KLF12: variants seen among roughly 807,000 people sequenced by gnomAD.
KLF12 encodes KLF transcription factor 12.
KLF12 carries 9 observed loss-of-function variants against 37.8 expected under a neutral mutation model. That is an observed-to-expected ratio of 0.24 (90% CI 0.14 to 0.42). The LOEUF (loss-of-function observed/expected upper bound fraction) is 0.42, where lower values mean the gene tolerates loss of function less well. Ranked by LOEUF, KLF12 falls within the 10% of genes least tolerant of loss-of-function variation. The pLI is 1.00. For missense variants in KLF12, 411 were observed against 516.0 expected (o/e 0.80, Z 1.97); for synonymous variants, 208 against 202.1 (o/e 1.03, Z -0.25).
the KLF12 span, among the ~76,000 whole-genome samples, chr13:74,270,817 G>A: frequency 3.3e-5 from 5 of 152,258 alleles, no homozygotes; most frequent in East Asian, 9.6e-4. Context: ...CTTAATCTGT[G>A]AGATTTGACC....
At chr13:73,911,503 A>G (rs929158203) in intron 3 of KLF12, among the ~76,000 whole-genome samples, 1 of 152,252 alleles carries the variant, frequency 6.6e-6, no homozygotes, top group Non-Finnish European at 1.5e-5. Context: ...AGTACTGCCC[A>G]TGTACTCTGT....
At chr13:73,715,341 C>T (rs374744423) in intron 7 of KLF12, 27 bp downstream of exon 7, 56 of 1,600,210 alleles carry the variant, frequency 3.5e-5, no homozygotes, top group Non-Finnish European at 4.4e-5. Context: ...CACTGGCTCA[C>T]AGGTGAGAAG....
chr13:74,238,820 T>C, the KLF12 span, among the ~76,000 whole-genome samples: 9 of 152,160 alleles, frequency 5.9e-5, no homozygotes, highest in Admixed American at 1.3e-4. Flanking sequence ...GTCTACTTGA[T>C]TCTTCTCTCT....
rs1031095105 is a variant in KLF12, at chr13:73,823,815, A to G, written c.671-10528T>C. On this transcript the variant is annotated intron_variant, in intron 4 of 7. Transcript: ENST00000377669. ...AACCTCTGCCTCCTGGGTTCAAGCTATTCTCCTGTCTCAGCCTCCCGAGTA... is the reference window on the plus strand; with the variant it reads ...AACCTCTGCCTCCTGGGTTCAAGCTGTTCTCCTGTCTCAGCCTCCCGAGTA... Among the ~76,000 whole-genome samples, 3 of 152,114 alleles carry G rather than the reference A, an allele frequency of 2.0e-5. No homozygotes were observed. In the South Asian group the frequency reaches 6.2e-4, roughly 32 times the overall value.
At chr13:74,119,826 A>G (rs1426704234) in intron 1 of KLF12, among the ~76,000 whole-genome samples, 1 of 152,156 alleles carries the variant, frequency 6.6e-6, no homozygotes, top group Non-Finnish European at 1.5e-5. Flanking sequence ...TGAAAAACTA[A>G]GAAAAACAAT....
the KLF12 span, among the ~76,000 whole-genome samples, chr13:74,272,450 T>G: frequency 6.6e-6 from 1 of 152,196 alleles, no homozygotes; most frequent in African/African-American, 2.4e-5. Context: ...TGAGTCAAAC[T>G]TAAATGTTAC....
chr13:74,173,096 T>C, the KLF12 span, among the ~76,000 whole-genome samples: 3 of 152,124 alleles, frequency 2.0e-5, no homozygotes, highest in Non-Finnish European at 4.4e-5. Flanking sequence ...GCATATCCAA[T>C]AAAAATAGAA....
intron 1 of KLF12, among the ~76,000 whole-genome samples, chr13:74,045,330 T>A (rs1225664706): frequency 6.6e-6 from 1 of 152,118 alleles, no homozygotes; most frequent in Non-Finnish European, 1.5e-5. Flanking sequence ...CCAAAACTCA[T>A]CACCCTAGAC....
At chr13:73,735,201 G>A (rs1877365463) in intron 6 of KLF12, among the ~76,000 whole-genome samples, 1 of 151,038 alleles carries the variant, frequency 6.6e-6, no homozygotes, top group Non-Finnish European at 1.5e-5. Context: ...GGAGGCTGAA[G>A]CAGGAAGGTC....
intron 4 of KLF12, among the ~76,000 whole-genome samples, chr13:73,835,066 C>CTTTT (rs57370625): frequency 7.0e-6 from 1 of 142,842 alleles, no homozygotes. Flanking sequence ...GAAGTTAAAC[C>CTTTT]TTTTTTTTTT....
At position 73,810,982 on chromosome 13, in the gene KLF12, CTTTTTTTTTTTT is replaced by C. The variant is rs376490803; in HGVS notation, c.806+2158_806+2169del. On this transcript the variant is annotated intron_variant, in intron 5 of 7. Coordinates refer to ENST00000377669, the MANE Select transcript of KLF12 (RefSeq NM_007249.5). The stretch of plus-strand genomic sequence containing the variant: ...ATGTTTATTTTTTTAATTTTTCTTT[CTTTTTTTTTTTT>C]TTTTTTTTTTTTTAGGAGTCTCACT... 8.9e-5 allele frequency among the ~76,000 whole-genome samples: 4 copies of C among 44,808 alleles called. No individual in the cohort carries two copies. In the South Asian group the frequency reaches 5.4e-3, roughly 61 times the overall value. 29.4% of individuals were successfully genotyped at this position (44,808 alleles called of 152,430 possible).
chr13:73,836,349 A>G (rs972038468), intron 4 of KLF12, among the ~76,000 whole-genome samples: 6 of 152,188 alleles, frequency 3.9e-5, no homozygotes, highest in Non-Finnish European at 7.4e-5. Flanking sequence ...TTAAGGGAGT[A>G]AGAAAAAAAC....
the KLF12 span, among the ~76,000 whole-genome samples, chr13:74,266,056 G>C: frequency 6.6e-6 from 1 of 152,178 alleles, no homozygotes; most frequent in Admixed American, 6.5e-5. Context: ...TGCAGCTGCT[G>C]TTCCAGATGT....
chr13:74,155,284 CTG>C, the KLF12 span, among the ~76,000 whole-genome samples: 5 of 152,146 alleles, frequency 3.3e-5, no homozygotes, highest in African/African-American at 9.7e-5. Flanking sequence ...AATTTTAACA[CTG>C]TTTATTTCTC....
At chr13:73,860,765 AAAACTT>A (rs1217866869) in intron 3 of KLF12, among the ~76,000 whole-genome samples, 2 of 152,158 alleles carry the variant, frequency 1.3e-5, no homozygotes, top group African/African-American at 4.8e-5. Context: ...CCCCGTGACT[AAAACTT>A]AAACGGTAAA....
chr13:74,143,473 A>G, the KLF12 span, among the ~76,000 whole-genome samples: 2 of 149,566 alleles, frequency 1.3e-5, no homozygotes, highest in African/African-American at 4.9e-5. Context: ...GCTATTAAGC[A>G]TTTACTATGT....
chr13:74,061,674 G>A (rs560278925), intron 1 of KLF12, among the ~76,000 whole-genome samples: 30 of 152,272 alleles, frequency 2.0e-4, no homozygotes, highest in Middle Eastern at 3.4e-3. Context: ...CAAGTATCCC[G>A]AGGCTAATCT....
chr13:74,174,371 T>C, the KLF12 span, among the ~76,000 whole-genome samples: 9 of 150,324 alleles, frequency 6.0e-5, no homozygotes, highest in Non-Finnish European at 1.0e-4. Flanking sequence ...CTCGCTCTGT[T>C]GCCCAGGCTG....
chr13:73,769,487 C>T (rs1880136561), intron 5 of KLF12, among the ~76,000 whole-genome samples: 1 of 152,132 alleles, frequency 6.6e-6, no homozygotes, highest in Non-Finnish European at 1.5e-5. Flanking sequence ...TTCTTTCAAA[C>T]TCTAAATGTT....
Sources: allele counts gnomAD v4.1 joint callset (sites outside exome capture counted in the v4.1 genomes callset), GRCh38; gene constraint gnomAD v4.1.1; transcripts MANE v1.5; gene names NCBI Gene and HGNC (gene_info 2026-07-23, HGNC 2026-07-21).